The following HMCN1 variants were observed in gnomAD, a reference collection of about 807,000 sequenced individuals.
HMCN1 encodes the protein hemicentin 1.
In HMCN1, 321 loss-of-function variants were observed where a neutral mutation model predicts 625.9. That is an observed-to-expected ratio of 0.51 (90% CI 0.47 to 0.56). HMCN1 has a LOEUF of 0.56. Among genes scored for constraint, HMCN1 ranks in the 20% least tolerant of loss-of-function variants. The pLI is 0.00. For missense variants in HMCN1, 6,588 were observed against 6,887.3 expected, an observed-to-expected ratio of 0.96 and a Z score of 1.54; for synonymous variants, 2,425 against 2,417.6, an observed-to-expected ratio of 1.00 and a Z score of -0.09.
intron 77 of HMCN1, 28 bp downstream of exon 77, chr1:186,117,651 C>G (rs113454083): frequency 6.3e-7 from 1 of 1,598,994 alleles, no homozygotes; most frequent in African/African-American, 1.3e-5. Flanking sequence ...GATTTCACAT[C>G]TATTGATTGT....
At chr1:186,133,584 A>T in intron 86 of HMCN1, among the ~76,000 whole-genome samples, 1 of 152,202 alleles carries the variant, frequency 6.6e-6, no homozygotes. Flanking sequence ...TCATTTTGTG[A>T]CTAGGCTCAG....
chr1:185,937,091 G>A (rs1179082316), intron 11 of HMCN1, among the ~76,000 whole-genome samples: 4 of 152,226 alleles, frequency 2.6e-5, no homozygotes, highest in South Asian at 2.1e-4. Context: ...GGAATACTTA[G>A]AAGAAATGGA....
chr1:186,054,758 T>C (rs1657202507), intron 44 of HMCN1, among the ~76,000 whole-genome samples: 2 of 152,154 alleles, frequency 1.3e-5, no homozygotes, highest in South Asian at 2.1e-4. Flanking sequence ...GGCATTCTAC[T>C]GGTCCCTCCT....
chr1:186,115,350 C>G lies in HMCN1; in HGVS notation c.11497C>G (p.Pro3833Ala), dbSNP rs1004161013. 6.2e-7 allele frequency: 1 copy of G among 1,613,786 alleles called. No homozygotes were observed. The highest frequency in any genetic ancestry group is 1.3e-5 in the African/African-American group (1 of 74,912). Residue 3833 changes from proline to alanine, a missense_variant, in exon 75 of 107, where the codon CCA becomes GCA. Physicochemically the swap from Pro to Ala is conservative, Grantham distance 27 (BLOSUM62 -1). Transcript: ENST00000271588. ...LACEATGIPK[P>A]SINWRKNGHL... is the part of the protein sequence containing the mutation. ...TTGTGAGGCTACTGGGATACCAAAA[C>G]CATCAATCAATTGGAGAAAAAATGG...
chr1:185,844,133 T>G (rs902244998), intron 1 of HMCN1, among the ~76,000 whole-genome samples: 2 of 152,238 alleles, frequency 1.3e-5, no homozygotes, highest in South Asian at 2.1e-4. Flanking sequence ...ACAATTTATA[T>G]GTCAGGGTGT....
chr1:185,896,231 C>A (rs1305694340), intron 4 of HMCN1, among the ~76,000 whole-genome samples: 1 of 152,078 alleles, frequency 6.6e-6, no homozygotes, highest in African/African-American at 2.4e-5. Flanking sequence ...CCACCGCGCC[C>A]GGCCAGTCTC....
chr1:186,099,996 G>A (rs1439919992), intron 68 of HMCN1, among the ~76,000 whole-genome samples: 2 of 152,038 alleles, frequency 1.3e-5, no homozygotes. Flanking sequence ...AGTGAAAAAT[G>A]AATTGAAGAG....
rs71101980 is a variant in HMCN1 at position 185,858,586 on chromosome 1, A to ATTTT, written c.340-5840_340-5837dup. ...GCCTATATGCCACCACACCCAGCTA[A>ATTTT]TTTTTTTTTTTTTTTTTTTTTTTTT... On this transcript the variant is annotated intron_variant, in intron 2 of 106. Coordinates refer to ENST00000271588, the MANE Select transcript of HMCN1 (RefSeq NM_031935.3). 5.2e-4 allele frequency among the ~76,000 whole-genome samples: 18 copies of ATTTT among 34,746 alleles called. 5 individuals are homozygous for ATTTT. The highest frequency in any genetic ancestry group is 7.5e-4 in the East Asian group (1 of 1,326). 22.8% of individuals were successfully genotyped at this position (34,746 alleles called of 152,430 possible).
chr1:185,951,029 C>T (rs1216851223), intron 11 of HMCN1, among the ~76,000 whole-genome samples: 22 of 149,752 alleles, frequency 1.5e-4, no homozygotes, highest in East Asian at 2.0e-4. Flanking sequence ...AAGCGTGCTG[C>T]GGGATGGGAT....
chr1:186,051,139 T>C (rs1220738383), intron 42 of HMCN1, among the ~76,000 whole-genome samples: 4 of 152,008 alleles, frequency 2.6e-5, no homozygotes, highest in African/African-American at 9.7e-5. Context: ...AAAATAGGCA[T>C]ATTGAAGAAG....
At chr1:185,963,655 C>CA in intron 12 of HMCN1, 113 bp from the exon 13 acceptor site, 1 of 803,186 alleles carries the variant, frequency 1.2e-6, no homozygotes, top group Non-Finnish European at 2.1e-6. Flanking sequence ...CAATCGACAC[C>CA]AAAAATATAA....
intron 89 of HMCN1, among the ~76,000 whole-genome samples, chr1:186,140,463 T>G (rs941758049): frequency 2.6e-5 from 4 of 152,250 alleles, no homozygotes; most frequent in African/African-American, 7.2e-5. Context: ...GAAATGATTT[T>G]GTGTCCTTCT....
intron 1 of HMCN1, among the ~76,000 whole-genome samples, chr1:185,763,679 A>G (rs544738665): frequency 1.3e-5 from 2 of 152,304 alleles, no homozygotes; most frequent in Admixed American, 1.3e-4. Context: ...CCAGATGGTC[A>G]TGTATATTAT....
At chr1:185,845,665 C>G (rs2102317976) in intron 1 of HMCN1, among the ~76,000 whole-genome samples, 1 of 152,334 alleles carries the variant, frequency 6.6e-6, no homozygotes, top group East Asian at 1.9e-4. Flanking sequence ...GTTGGGCAGA[C>G]TGAATTATAG....
At chr1:185,824,002 T>G (rs945934817) in intron 1 of HMCN1, among the ~76,000 whole-genome samples, 1 of 152,188 alleles carries the variant, frequency 6.6e-6, no homozygotes, top group Non-Finnish European at 1.5e-5. Flanking sequence ...ATCACCATTC[T>G]ATGGGGAACT....
At chr1:186,113,465 C>T (rs917001015) in intron 72 of HMCN1, among the ~76,000 whole-genome samples, 1 of 152,188 alleles carries the variant, frequency 6.6e-6, no homozygotes, top group African/African-American at 2.4e-5. Flanking sequence ...ACCCAAACAA[C>T]TAATATCTCT....
At position 186,042,452 on chromosome 1, in the gene HMCN1, A is replaced by G. The variant is rs1354503653; in HGVS notation, c.6304+1316A>G. Among the ~76,000 whole-genome samples the G allele has an allele frequency of 6.6e-5, 10 of 152,126 alleles. No homozygotes were observed. The South Asian group carries it at 1.2e-3, about 19-fold the overall frequency. On this transcript the variant is annotated intron_variant, in intron 40 of 106. Transcript: ENST00000271588. ...TAGTCACCACAGAAATCTGAGATGGACTCCTTACATTTCTACACTGGCTAG... is the reference window on the plus strand; with the variant it reads ...TAGTCACCACAGAAATCTGAGATGGGCTCCTTACATTTCTACACTGGCTAG...
At chr1:186,131,599 C>A (rs780384812) in intron 85 of HMCN1, among the ~76,000 whole-genome samples, 24 of 152,070 alleles carry the variant, frequency 1.6e-4, no homozygotes, top group Non-Finnish European at 2.1e-4. Flanking sequence ...AACATCTAAA[C>A]CAACATTTAT....
chr1:185,991,525 C>G (rs988814398), intron 22 of HMCN1, among the ~76,000 whole-genome samples: 1 of 152,014 alleles, frequency 6.6e-6, no homozygotes, highest in African/African-American at 2.4e-5. Flanking sequence ...TTTTGTGTGT[C>G]TGTTTTCAAT....
Sources: gnomAD v4.1 joint callset for allele counts (sites outside exome capture counted in the v4.1 genomes callset) on GRCh38, gnomAD v4.1.1 for gene constraint, MANE v1.5 for transcripts, NCBI Gene and HGNC (gene_info 2026-07-23, HGNC 2026-07-21) for gene names.